ANO10: variants seen among roughly 807,000 people sequenced by gnomAD.
The protein encoded by ANO10 is anoctamin 10.
ANO10 carries 77 observed loss-of-function variants against 74.7 expected under a neutral mutation model. That is an observed-to-expected ratio of 1.03 (90% confidence interval 0.86 to 1.25). The LOEUF is 1.25. ANO10 is among the 50% of genes most tolerant of loss of function. The pLI, the probability that ANO10 is intolerant of heterozygous loss-of-function variation, is 0.00. For missense variants in ANO10, 721 were observed against 778.1 expected, an observed-to-expected ratio of 0.93 and a Z score of 0.87; for synonymous variants, 279 against 284.9, an observed-to-expected ratio of 0.98 and a Z score of 0.21.
At chr3:43,410,099 T>A (rs2092641176) in intron 12 of ANO10, among the ~76,000 whole-genome samples, 1 of 152,024 alleles carries the variant, frequency 6.6e-6, no homozygotes, top group Admixed American at 6.6e-5. Flanking sequence ...TTACATTTTG[T>A]GAGATTACCT....
chr3:43,650,117 A>G (rs1443655812), intron 1 of ANO10, among the ~76,000 whole-genome samples: 1 of 152,214 alleles, frequency 6.6e-6, no homozygotes, highest in Non-Finnish European at 1.5e-5. Context: ...GTGTCCCAGA[A>G]GAATCAGGTG....
chr3:43,484,833 G>T, intron 11 of ANO10: 1 of 522,612 alleles, frequency 1.9e-6, no homozygotes, highest in Non-Finnish European at 3.4e-6. Flanking sequence ...TTTATTTTTG[G>T]TTTACATCAT....
Position 43,519,356 on chromosome 3 carries a change from G to A in ANO10, c.1797+30364C>T, listed in dbSNP as rs753819415. Among the ~76,000 whole-genome samples, 44 of 152,052 alleles carry A rather than the reference G, an allele frequency of 2.9e-4. 1 individual carries two copies. The highest frequency in any genetic ancestry group is 2.1e-3 in the South Asian group (10 of 4,826). ...CATACAATTAGATTACAAACTCACC[G>A]CTGGAGCACACTACTTCTTTTTCAA... On this transcript the variant is annotated intron_variant, in intron 11 of 12. Transcript: ENST00000292246.
chr3:43,512,209 ACT>A (rs1403649196), intron 11 of ANO10, among the ~76,000 whole-genome samples: 1 of 151,950 alleles, frequency 6.6e-6, no homozygotes, highest in Non-Finnish European at 1.5e-5. Context: ...GAAGGTGCCC[ACT>A]CTCTCACCAT....
chr3:43,676,852 C>G (rs531851777), intron 1 of ANO10, among the ~76,000 whole-genome samples: 29 of 149,558 alleles, frequency 1.9e-4, no homozygotes, highest in Non-Finnish European at 3.6e-4. Context: ...TTTTTTTTTA[C>G]TTCCCGCTTT....
intron 12 of ANO10, among the ~76,000 whole-genome samples, chr3:43,403,249 T>C (rs997506846): frequency 6.6e-6 from 1 of 152,352 alleles, no homozygotes; most frequent in Non-Finnish European, 1.5e-5. Flanking sequence ...GTGCCACAGA[T>C]ATTTTAAATA....
intron 1 of ANO10, among the ~76,000 whole-genome samples, chr3:43,606,837 G>A (rs544983008): frequency 6.6e-6 from 1 of 152,010 alleles, no homozygotes; most frequent in Non-Finnish European, 1.5e-5. Context: ...TTCCAGGACA[G>A]CAGATTAAAG....
At chr3:43,602,480 C>A (rs1043283613) in intron 2 of ANO10, among the ~76,000 whole-genome samples, 2 of 152,094 alleles carry the variant, frequency 1.3e-5, no homozygotes, top group Non-Finnish European at 2.9e-5. Context: ...GAGATACAGG[C>A]ACACACAACC....
intron 1 of ANO10, among the ~76,000 whole-genome samples, chr3:43,681,342 A>G (rs2084195916): frequency 6.6e-6 from 1 of 152,144 alleles, no homozygotes; most frequent in African/African-American, 2.4e-5. Context: ...AGGCCATTAC[A>G]TAATGGTAAA....
chr3:43,558,599 G>A (rs1034434252), intron 9 of ANO10, among the ~76,000 whole-genome samples: 1 of 152,156 alleles, frequency 6.6e-6, no homozygotes, highest in Non-Finnish European at 1.5e-5. Context: ...TAAAGTTTCG[G>A]CCAAATTGCT....
At chr3:43,404,899 C>T (rs1185727389) in intron 12 of ANO10, among the ~76,000 whole-genome samples, 1 of 141,380 alleles carries the variant, frequency 7.1e-6, no homozygotes, top group East Asian at 2.0e-4. Context: ...AAAAAAACCA[C>T]CAAAAAACAG....
chr3:43,441,055 G>C (rs1189615235), intron 11 of ANO10, among the ~76,000 whole-genome samples: 1 of 151,880 alleles, frequency 6.6e-6, no homozygotes, highest in Non-Finnish European at 1.5e-5. Context: ...AGTACTAAGA[G>C]AGAAGTTTAT....
intron 1 of ANO10, among the ~76,000 whole-genome samples, chr3:43,687,108 TC>T (rs940533450): frequency 1.3e-5 from 2 of 152,000 alleles, no homozygotes; most frequent in Admixed American, 6.6e-5. Context: ...TCTTATTATC[TC>T]CCTGCCACAT....
At chr3:43,508,184 T>C (rs947344208) in intron 11 of ANO10, among the ~76,000 whole-genome samples, 4 of 152,074 alleles carry the variant, frequency 2.6e-5, no homozygotes, top group African/African-American at 9.7e-5. Context: ...GACCAAACAT[T>C]AAAAAGTCAT....
chr3:43,591,449 G>T (rs2081749842), intron 4 of ANO10, among the ~76,000 whole-genome samples: 1 of 152,108 alleles, frequency 6.6e-6, no homozygotes, highest in African/African-American at 2.4e-5. Context: ...CATGGCCCAA[G>T]GATCCATTCC....
intron 3 of ANO10, among the ~76,000 whole-genome samples, chr3:43,599,993 A>C (rs1238400686): frequency 6.6e-6 from 1 of 152,244 alleles, no homozygotes; most frequent in Non-Finnish European, 1.5e-5. Flanking sequence ...GCTTTCAAAA[A>C]AAAGGATTTT....
At chr3:43,647,276 T>C (rs1043174136) in intron 1 of ANO10, among the ~76,000 whole-genome samples, 3 of 151,248 alleles carry the variant, frequency 2.0e-5, no homozygotes, top group Non-Finnish European at 4.4e-5. Flanking sequence ...AGAAATCTCA[T>C]GATCTGCTGT....
At chr3:43,517,677 T>G (rs2077767609) in intron 11 of ANO10, among the ~76,000 whole-genome samples, 1 of 152,176 alleles carries the variant, frequency 6.6e-6, no homozygotes, top group African/African-American at 2.4e-5. Context: ...GGCACCTTGC[T>G]TGGATTTTTG....
At chr3:43,439,987 A>G (rs1427065197) in intron 11 of ANO10, among the ~76,000 whole-genome samples, 1 of 152,344 alleles carries the variant, frequency 6.6e-6, no homozygotes, top group Admixed American at 6.5e-5. Context: ...AGTTTAAACT[A>G]TAAGATATTT....
Sources: gnomAD v4.1 joint callset for allele counts (sites outside exome capture counted in the v4.1 genomes callset) on GRCh38, gnomAD v4.1.1 for gene constraint, MANE v1.5 for transcripts, NCBI Gene and HGNC (gene_info 2026-07-23, HGNC 2026-07-21) for gene names.